The following AGMO variants were observed in gnomAD, a reference collection of about 807,000 sequenced individuals.
AGMO encodes alkylglycerol monooxygenase.
AGMO carries 75 observed loss-of-function variants against 60.2 expected under a neutral mutation model. The observed-to-expected ratio is 1.25, with a 90% confidence interval of 1.03 to 1.51. The LOEUF is 1.51. Among genes scored for constraint, AGMO ranks in the 40% most tolerant of loss-of-function variants. The pLI, the probability that AGMO is intolerant of heterozygous loss-of-function variation, is 0.00. For missense variants in AGMO, 763 were observed against 525.5 expected (o/e 1.45, Z -4.42); for synonymous variants, 261 against 177.1 (o/e 1.47, Z -3.76).
the AGMO span, among the ~76,000 whole-genome samples, chr7:15,189,213 G>A: frequency 1.3e-5 from 2 of 152,074 alleles, no homozygotes; most frequent in African/African-American, 4.8e-5. Context: ...AATTAGGGGA[G>A]AAATCCAGGG....
chr7:15,278,986 T>C (rs1227459160), intron 12 of AGMO, among the ~76,000 whole-genome samples: 1 of 152,126 alleles, frequency 6.6e-6, no homozygotes, highest in African/African-American at 2.4e-5. Flanking sequence ...GCTGTGGTAG[T>C]TGTCTTTGAG....
intron 12 of AGMO, among the ~76,000 whole-genome samples, chr7:15,310,798 C>G: frequency 6.6e-6 from 1 of 152,130 alleles, no homozygotes; most frequent in East Asian, 1.9e-4. Context: ...GTTCGAAAAT[C>G]AAGGTGTTGG....
At chr7:15,483,545 G>A (rs1426488497) in intron 3 of AGMO, among the ~76,000 whole-genome samples, 1 of 151,830 alleles carries the variant, frequency 6.6e-6, no homozygotes, top group Non-Finnish European at 1.5e-5. Flanking sequence ...ACTACAGCCT[G>A]GGTGACAGAG....
At chr7:15,468,952 C>T (rs780237093) in intron 3 of AGMO, among the ~76,000 whole-genome samples, 2 of 152,036 alleles carry the variant, frequency 1.3e-5, no homozygotes, top group African/African-American at 2.4e-5. Flanking sequence ...AATTAAAACA[C>T]AGTAAATTAA....
intron 3 of AGMO, among the ~76,000 whole-genome samples, chr7:15,497,300 A>G (rs901327084): frequency 1.3e-5 from 2 of 152,188 alleles, no homozygotes; most frequent in South Asian, 4.1e-4. Flanking sequence ...GTGACTTGTC[A>G]AACTCCAAAG....
chr7:15,530,527 T>C (rs1331435240), intron 3 of AGMO, among the ~76,000 whole-genome samples: 1 of 74,656 alleles, frequency 1.3e-5, no homozygotes, highest in East Asian at 4.9e-4. Context: ...ATATTCTATA[T>C]ACGTATTTCT....
At chr7:15,524,141 G>T (rs1019864849) in intron 3 of AGMO, among the ~76,000 whole-genome samples, 1 of 151,792 alleles carries the variant, frequency 6.6e-6, no homozygotes, top group Non-Finnish European at 1.5e-5. Context: ...GACAATAGAA[G>T]TATAAATATG....
chr7:15,342,515 CT>C (rs1563097709), intron 12 of AGMO, among the ~76,000 whole-genome samples: 1 of 151,876 alleles, frequency 6.6e-6, no homozygotes, highest in Non-Finnish European at 1.5e-5. Context: ...ACCAGGTTTA[CT>C]AGTATATTGA....
At chr7:15,266,463 T>C (rs1783436098) in intron 12 of AGMO, among the ~76,000 whole-genome samples, 1 of 152,084 alleles carries the variant, frequency 6.6e-6, no homozygotes, top group African/African-American at 2.4e-5. Context: ...CTTATAACTT[T>C]ATCACATTAA....
At position 15,386,514 on chromosome 7, in the gene AGMO, T is replaced by A. The variant is rs1231665435; in HGVS notation, c.957+892A>T. Among the ~76,000 whole-genome samples the A allele has an allele frequency of 2.6e-5, 4 of 152,328 alleles. No individual in the cohort carries two copies. In the East Asian group the frequency reaches 7.7e-4, roughly 29 times the overall value. On this transcript the variant is annotated intron_variant, in intron 9 of 12. Transcript: ENST00000342526. ...AATTATTTCACCTATATCAAGTTGGTGGATTGTTGCACAATGAATTGTGAA... is the reference window on the plus strand; with the variant it reads ...AATTATTTCACCTATATCAAGTTGGAGGATTGTTGCACAATGAATTGTGAA...
intron 12 of AGMO, among the ~76,000 whole-genome samples, chr7:15,289,877 C>T (rs1330682384): frequency 1.4e-5 from 2 of 138,618 alleles, no homozygotes; most frequent in African/African-American, 2.7e-5. Flanking sequence ...AATTCTTTGT[C>T]TTAATTTTTC....
intron 3 of AGMO, among the ~76,000 whole-genome samples, chr7:15,532,377 C>T (rs1188392008): frequency 6.6e-6 from 1 of 152,132 alleles, no homozygotes; most frequent in Non-Finnish European, 1.5e-5. Flanking sequence ...GGCTCTGGTG[C>T]ATTAGCTCTG....
chr7:15,382,869 G>C (rs553804901), intron 10 of AGMO, among the ~76,000 whole-genome samples: 33 of 152,050 alleles, frequency 2.2e-4, no homozygotes, highest in Middle Eastern at 6.8e-3. Context: ...TAAATGATTA[G>C]ATACTTTGTT....
chr7:15,359,115 C>A (rs994071703), intron 12 of AGMO, among the ~76,000 whole-genome samples: 3 of 151,744 alleles, frequency 2.0e-5, no homozygotes, highest in African/African-American at 7.3e-5. Flanking sequence ...TGGTGAAACC[C>A]CGTCTCCACT....
intron 12 of AGMO, among the ~76,000 whole-genome samples, chr7:15,241,948 A>G (rs12699696): frequency 0.33 from 49,827 of 152,008 alleles, 9,646 homozygotes; most frequent in East Asian, 0.51. Flanking sequence ...TAGCTTCTAC[A>G]GGATGCCCAC....
intron 5 of AGMO, among the ~76,000 whole-genome samples, chr7:15,395,769 T>G (rs755003122): frequency 7.2e-5 from 11 of 152,196 alleles, no homozygotes; most frequent in Admixed American, 5.2e-4. Context: ...CTAATCCAAC[T>G]GAAAATAATA....
rs1269601139 is a variant in AGMO at position 15,325,419 on chromosome 7, T to C, written c.1263+40095A>G. On this transcript the variant is annotated intron_variant, in intron 12 of 12. Coordinates refer to ENST00000342526, the MANE Select transcript of AGMO (RefSeq NM_001004320.2). The stretch of plus-strand genomic sequence containing the variant: ...TTTAATCAGTGAGCGTTCAAGGGCA[T>C]GTCAGATTAAGATTAACCTTAAAAA... Among the ~76,000 whole-genome samples, 3 of 151,680 alleles carry C rather than the reference T, an allele frequency of 2.0e-5. No homozygotes were observed. The East Asian group carries it at 5.8e-4, about 29-fold the overall frequency.
chr7:15,244,731 A>G (rs1782692262), intron 12 of AGMO, among the ~76,000 whole-genome samples: 2 of 152,010 alleles, frequency 1.3e-5, no homozygotes, highest in South Asian at 2.1e-4. Context: ...GGCTCACTGC[A>G]AGCTCCACCT....
intron 12 of AGMO, among the ~76,000 whole-genome samples, chr7:15,355,576 G>C (rs1782498655): frequency 6.7e-6 from 1 of 149,296 alleles, no homozygotes. Context: ...TAATATTTTT[G>C]CATAATTATA....
Sources: allele counts gnomAD v4.1 joint callset (sites outside exome capture counted in the v4.1 genomes callset), GRCh38; gene constraint gnomAD v4.1.1; transcripts MANE v1.5; gene names NCBI Gene and HGNC (gene_info 2026-07-23, HGNC 2026-07-21).